Variants in ISY1 observed in about 807,000 individuals in gnomAD.
ISY1 encodes the protein ISY1 spliceosome associated protein.
A neutral mutation model predicts 54.4 loss-of-function variants in ISY1; 12 were observed. That is an observed-to-expected ratio of 0.22 (90% CI 0.14 to 0.36). ISY1 has a LOEUF of 0.36. Among genes scored for constraint, ISY1 ranks in the 10% least tolerant of loss-of-function variants. The pLI is 1.00. For missense variants in ISY1, 282 were observed against 342.2 expected, an observed-to-expected ratio of 0.82 and a Z score of 1.39; for synonymous variants, 96 against 117.9, an observed-to-expected ratio of 0.81 and a Z score of 1.20.
intron 7 of ISY1, among the ~76,000 whole-genome samples, chr3:129,138,355 A>C (rs1413580918): frequency 6.6e-6 from 1 of 151,784 alleles, no homozygotes; most frequent in Non-Finnish European, 1.5e-5. Flanking sequence ...ACAAATTAGT[A>C]CTGGTCACGG....
intron 8 of ISY1, among the ~76,000 whole-genome samples, chr3:129,134,483 G>A: frequency 6.6e-6 from 1 of 152,162 alleles, no homozygotes; most frequent in Non-Finnish European, 1.5e-5. Flanking sequence ...GAGAAGGCAG[G>A]GGCAGAGCAT....
chr3:129,132,444 C>T (rs189908107), intron 9 of ISY1, among the ~76,000 whole-genome samples: 55 of 152,338 alleles, frequency 3.6e-4, no homozygotes, highest in African/African-American at 1.3e-3. Context: ...CTCTGCACTC[C>T]AGCACACTGG....
In ISY1 at chr3:129,161,033, G is replaced by C. The variant is rs1937298835; in HGVS notation, c.-58C>G. On this transcript the variant is annotated 5_prime_UTR_variant, in exon 1 of 11. Coordinates refer to ENST00000393295, the MANE Select transcript of ISY1 (RefSeq NM_020701.4). Reference sequence around the variant, plus strand: ...CGGCCCCTGTCCAAGAAACTCCACAGGCCCAGAAGACGCCGACGCTCACAG... The same window carrying C: ...CGGCCCCTGTCCAAGAAACTCCACACGCCCAGAAGACGCCGACGCTCACAG... 1 of 1,527,064 alleles carries C rather than the reference G, an allele frequency of 6.5e-7. No individual in the cohort carries two copies. The highest frequency in any genetic ancestry group is 1.2e-5 in the South Asian group (1 of 83,620). 94.6% of individuals were successfully genotyped at this position (1,527,064 alleles called of 1,614,324 possible). A position where few individuals can be genotyped will look rare whatever the true frequency, so the allele number is the denominator to read the frequency against.
chr3:129,135,719 CTG>C (rs1936376064), intron 7 of ISY1, among the ~76,000 whole-genome samples: 1 of 150,334 alleles, frequency 6.7e-6, no homozygotes, highest in South Asian at 2.1e-4. Context: ...TGAGCGAAGA[CTG>C]CACCACTGCA....
In ISY1 at chr3:129,130,194, G is replaced by A; in HGVS notation, c.751-6C>T. ...CGCACCAGTGCCTCCTCAATCTGTG[G>A]AAATTAAGAGTGCAGGGCTCACTCC... On this transcript the variant is annotated splice_region_variant and splice_polypyrimidine_tract_variant and intron_variant, in intron 10 of 10. Coordinates refer to ENST00000393295, the MANE Select transcript of ISY1 (RefSeq NM_020701.4). 6.2e-7 allele frequency: 1 copy of A among 1,600,312 alleles called. No homozygotes were observed. Among genetic ancestry groups the A allele is most frequent in the South Asian group, 1.1e-5 (1 of 88,846 alleles).
Position 129,146,010 on chromosome 3 carries a change from T to C in ISY1, c.188-137A>G, listed in dbSNP as rs879113792. The C allele has an allele frequency of 1.8e-5, 14 of 771,548 alleles. No homozygotes were observed. The South Asian group carries it at 3.1e-4, about 17-fold the overall frequency. 47.8% of individuals were successfully genotyped at this position (771,548 alleles called of 1,614,324 possible). On this transcript the variant is annotated intron_variant, in intron 5 of 10. Transcript: ENST00000393295. ...TACTACATAAAAACACTCATCTAAA[T>C]TGATAAGAAAAACCACCCAAATAAA...
chr3:129,158,222 T>C (rs966917859), intron 3 of ISY1, among the ~76,000 whole-genome samples: 43 of 150,098 alleles, frequency 2.9e-4, no homozygotes, highest in African/African-American at 1.1e-3. Flanking sequence ...GGCATGATCA[T>C]GGCTCCCTGC....
intron 1 of ISY1, 53 bp downstream of exon 1, chr3:129,160,920 C>T (rs932471007): frequency 1.7e-5 from 9 of 535,016 alleles, no homozygotes; most frequent in Non-Finnish European, 3.2e-5. Flanking sequence ...GACTGGGCGC[C>T]CCCCCGCCCG....
At position 129,128,978 on chromosome 3, in the gene ISY1, T is replaced by C. The variant is rs990846490; in HGVS notation, c.*1103A>G. The C allele has an allele frequency of 1.3e-5, 2 of 152,312 alleles. No homozygotes were observed. Among genetic ancestry groups the C allele is most frequent in the African/African-American group, 4.8e-5 (2 of 41,456 alleles). The allele number at this position is 152,312 out of a possible 1,614,324, so 9.4% of individuals were successfully genotyped here. A position where few individuals can be genotyped will look rare whatever the true frequency, so the allele number is the denominator to read the frequency against. ...GTGCAGCCCACTGCAAGGAGCCCTG[T>C]CTACAGCTGTGGCCACGGACGCCAT... On this transcript the variant is annotated 3_prime_UTR_variant, in exon 11 of 11. Transcript: ENST00000393295.
intron 5 of ISY1, among the ~76,000 whole-genome samples, chr3:129,151,178 TATAA>T (rs1260436608): frequency 6.8e-6 from 1 of 147,540 alleles, no homozygotes; most frequent in African/African-American, 2.5e-5. Flanking sequence ...TAAAAATATA[TATAA>T]ATATATAAAA....
At chr3:129,149,725 G>A (rs1936895947) in intron 5 of ISY1, among the ~76,000 whole-genome samples, 1 of 137,458 alleles carries the variant, frequency 7.3e-6, no homozygotes, top group Non-Finnish European at 1.5e-5. Flanking sequence ...TTAAACCCTG[G>A]AGGCAGTGAG....
At chr3:129,150,713 A>ATAAAAT (rs1406802991) in intron 5 of ISY1, among the ~76,000 whole-genome samples, 1 of 152,132 alleles carries the variant, frequency 6.6e-6, no homozygotes. Flanking sequence ...AAATAAATAA[A>ATAAAAT]TAAAATTAAA....
chr3:129,142,492 G>A (rs1264825552), intron 6 of ISY1, among the ~76,000 whole-genome samples: 2 of 152,194 alleles, frequency 1.3e-5, no homozygotes, highest in East Asian at 3.9e-4. Flanking sequence ...AAATCTCAAG[G>A]TACACAAAGA....
At chr3:129,130,304 C>A (rs537368603) in intron 10 of ISY1, 116 bp from the exon 11 acceptor site, 6 of 1,380,168 alleles carry the variant, frequency 4.3e-6, no homozygotes, top group Non-Finnish European at 4.8e-6. Context: ...GATTTAAATA[C>A]GCAGAATAGT....
intron 7 of ISY1, 116 bp downstream of exon 7, chr3:129,140,252 T>C: frequency 1.2e-6 from 1 of 867,434 alleles, no homozygotes; most frequent in Non-Finnish European, 1.8e-6. Flanking sequence ...CAATAATTCC[T>C]ACACTATAAG....
intron 6 of ISY1, 120 bp from the exon 7 acceptor site, chr3:129,140,605 T>C: frequency 2.7e-6 from 3 of 1,116,918 alleles, no homozygotes; most frequent in Non-Finnish European, 3.7e-6. Flanking sequence ...AGGTGGAGTC[T>C]CGCTCTGTTG....
At chr3:129,157,678 G>A (rs951452861) in intron 3 of ISY1, among the ~76,000 whole-genome samples, 6 of 130,458 alleles carry the variant, frequency 4.6e-5, no homozygotes, top group African/African-American at 8.8e-5. Context: ...CCAAGATCAC[G>A]CCACTGCACT....
chr3:129,138,588 G>A (rs1389818352), intron 7 of ISY1, among the ~76,000 whole-genome samples: 1 of 151,506 alleles, frequency 6.6e-6, no homozygotes, highest in Non-Finnish European at 1.5e-5. Context: ...AGCTTGCAGT[G>A]AGCCAAGATT....
chr3:129,143,209 G>C (rs939528951), intron 6 of ISY1, among the ~76,000 whole-genome samples: 6 of 150,108 alleles, frequency 4.0e-5, no homozygotes, highest in African/African-American at 1.5e-4. Context: ...GTAAAATCTT[G>C]TCACAAAAAC....
Sources: allele counts gnomAD v4.1 joint callset (sites outside exome capture counted in the v4.1 genomes callset), GRCh38; gene constraint gnomAD v4.1.1; transcripts MANE v1.5; gene names NCBI Gene and HGNC (gene_info 2026-07-23, HGNC 2026-07-21).